DRC11: variants seen among roughly 807,000 people sequenced by gnomAD.
DRC11 encodes the protein dynein regulatory complex subunit 11, also known as IQ and AAA domain-containing protein 1.
chr2:236,406,836 C>T, the DRC11 span, among the ~76,000 whole-genome samples: 1 of 151,980 alleles, frequency 6.6e-6, no homozygotes, highest in African/African-American at 2.4e-5. The surrounding 1 kb of genome is among the most constrained non-coding windows in gnomAD (Gnocchi z 4.7). Context: ...AGCTCTGCCT[C>T]CCGGGTTCAT....
At chr2:236,498,692 T>G in the DRC11 span, among the ~76,000 whole-genome samples, 1 of 152,176 alleles carries the variant, frequency 6.6e-6, no homozygotes, top group Non-Finnish European at 1.5e-5. Flanking sequence ...GTGGCTCTGC[T>G]GTGGCTGGCC....
chr2:236,399,442 G>C, the DRC11 span: 1 of 1,613,926 alleles, frequency 6.2e-7, no homozygotes, highest in Non-Finnish European at 8.5e-7. This position sits in a 1 kb window ranked among gnomAD's most constrained non-coding sequence, Gnocchi z 7.0. Flanking sequence ...TTCCTTCATT[G>C]CAGGAAGAAA....
At chr2:236,382,022 C>T in the DRC11 span, among the ~76,000 whole-genome samples, 1 of 152,086 alleles carries the variant, frequency 6.6e-6, no homozygotes, top group Non-Finnish European at 1.5e-5. Context: ...GTTTTGGATG[C>T]TAATTCTAAG....
chr2:236,357,931 T>C, the DRC11 span, among the ~76,000 whole-genome samples: 1 of 108,476 alleles, frequency 9.2e-6, no homozygotes, highest in East Asian at 2.5e-4. Context: ...TATAAATTCA[T>C]ATATGAATAT....
the DRC11 span, among the ~76,000 whole-genome samples, chr2:236,488,646 T>G: frequency 6.6e-6 from 1 of 152,232 alleles, no homozygotes; most frequent in Non-Finnish European, 1.5e-5. Context: ...AAGTACAGAA[T>G]GCCCAGTGAA....
At chr2:236,495,701 G>A in the DRC11 span, among the ~76,000 whole-genome samples, 1 of 152,284 alleles carries the variant, frequency 6.6e-6, no homozygotes, top group South Asian at 2.1e-4. The surrounding 1 kb of genome is among the most constrained non-coding windows in gnomAD (Gnocchi z 5.6). Context: ...CCAGGGTTGT[G>A]GCCAAGAATG....
the DRC11 span, among the ~76,000 whole-genome samples, chr2:236,309,339 C>T: frequency 6.6e-6 from 1 of 152,122 alleles, no homozygotes; most frequent in Admixed American, 6.5e-5. This position sits in a 1 kb window ranked among gnomAD's most constrained non-coding sequence, Gnocchi z 5.7. Context: ...TCTTTCAGTC[C>T]TAATTACCCT....
At chr2:236,375,124 C>T in the DRC11 span, among the ~76,000 whole-genome samples, 1 of 152,048 alleles carries the variant, frequency 6.6e-6, no homozygotes, top group Non-Finnish European at 1.5e-5. This position sits in a 1 kb window ranked among gnomAD's most constrained non-coding sequence, Gnocchi z 4.2. Flanking sequence ...TCCCACAAGG[C>T]CCCGTCTCCA....
chr2:236,475,651 A>C, the DRC11 span, among the ~76,000 whole-genome samples: 1 of 152,116 alleles, frequency 6.6e-6, no homozygotes, highest in Non-Finnish European at 1.5e-5. This position sits in a 1 kb window ranked among gnomAD's most constrained non-coding sequence, Gnocchi z 4.8. Context: ...TTGCATTCCC[A>C]CCAACAGTGC....
chr2:236,456,524 T>C, the DRC11 span, among the ~76,000 whole-genome samples: 2 of 152,198 alleles, frequency 1.3e-5, no homozygotes, highest in African/African-American at 4.8e-5. The surrounding 1 kb of genome is among the most constrained non-coding windows in gnomAD (Gnocchi z 5.4). Context: ...AGGACCCCGA[T>C]AACCTCAAGC....
chr2:236,477,203 T>C, the DRC11 span, among the ~76,000 whole-genome samples: 1 of 152,164 alleles, frequency 6.6e-6, no homozygotes, highest in Non-Finnish European at 1.5e-5. Context: ...CAAATAGCAT[T>C]TGACTCCCCA....
the DRC11 span, among the ~76,000 whole-genome samples, chr2:236,337,642 T>C: frequency 6.6e-6 from 1 of 152,228 alleles, no homozygotes; most frequent in Admixed American, 6.5e-5. The surrounding 1 kb of genome is among the most constrained non-coding windows in gnomAD (Gnocchi z 4.9). Flanking sequence ...GCTCCACTGC[T>C]TTGCCTCCCA....
the DRC11 span, among the ~76,000 whole-genome samples, chr2:236,318,452 TG>T: frequency 5.9e-5 from 9 of 151,936 alleles, no homozygotes; most frequent in Non-Finnish European, 1.2e-4. The surrounding 1 kb of genome is among the most constrained non-coding windows in gnomAD (Gnocchi z 7.0). Context: ...CATGCATGTG[TG>T]GGGTGTTGAT....
At chr2:236,448,782 T>C in the DRC11 span, among the ~76,000 whole-genome samples, 28 of 151,896 alleles carry the variant, frequency 1.8e-4, no homozygotes, top group African/African-American at 1.5e-4. The surrounding 1 kb of genome is among the most constrained non-coding windows in gnomAD (Gnocchi z 5.3). Context: ...ACGCAGACTG[T>C]TGTAAGTGGG....
the DRC11 span, among the ~76,000 whole-genome samples, chr2:236,313,846 T>G: frequency 6.7e-6 from 1 of 148,898 alleles, no homozygotes; most frequent in Non-Finnish European, 1.5e-5. The surrounding 1 kb of genome is among the most constrained non-coding windows in gnomAD (Gnocchi z 4.5). Flanking sequence ...TATAGAACAT[T>G]TTTAATATGA....
chr2:236,433,410 C>A, the DRC11 span, among the ~76,000 whole-genome samples: 4 of 152,170 alleles, frequency 2.6e-5, no homozygotes, highest in Non-Finnish European at 5.9e-5. Flanking sequence ...TTTTCCATTT[C>A]TTCGCATCCC....
chr2:236,321,398 A>G, the DRC11 span, among the ~76,000 whole-genome samples: 1 of 152,264 alleles, frequency 6.6e-6, no homozygotes, highest in African/African-American at 2.4e-5. Flanking sequence ...GCAAGAAGGT[A>G]GAACAGTATA....
At chr2:236,362,230 C>T in the DRC11 span, among the ~76,000 whole-genome samples, 5 of 152,060 alleles carry the variant, frequency 3.3e-5, no homozygotes, top group African/African-American at 1.2e-4. This position sits in a 1 kb window ranked among gnomAD's most constrained non-coding sequence, Gnocchi z 5.7. Flanking sequence ...ATGAAATGAA[C>T]CAATGAAAAC....
chr2:236,334,911 G>A, the DRC11 span, among the ~76,000 whole-genome samples: 6 of 152,106 alleles, frequency 3.9e-5, no homozygotes, highest in African/African-American at 1.4e-4. This position sits in a 1 kb window ranked among gnomAD's most constrained non-coding sequence, Gnocchi z 7.8. Flanking sequence ...CACTGGGAAT[G>A]TGGAGAAACG....
Sources: gnomAD v4.1 joint callset for allele counts (sites outside exome capture counted in the v4.1 genomes callset) on GRCh38, gnomAD v4.1.1 for gene constraint, Gnocchi (gnomAD v3.1) non-coding constraint, MANE v1.5 for transcripts, NCBI Gene and HGNC (gene_info 2026-07-23, HGNC 2026-07-21) for gene names.